GCC1: variants seen among roughly 807,000 people sequenced by gnomAD.
The protein encoded by GCC1 is GRIP and coiled-coil domain containing 1.
A neutral mutation model predicts 62.5 loss-of-function variants in GCC1; 36 were observed. The observed-to-expected ratio is 0.58, with a 90% confidence interval of 0.44 to 0.76. The LOEUF (loss-of-function observed/expected upper bound fraction) is 0.76, where lower values mean the gene tolerates loss of function less well. Ranked by LOEUF, GCC1 falls within the 30% of genes least tolerant of loss-of-function variation. The probability of loss-of-function intolerance (pLI) is 0.00; values close to 1 mark genes in which losing one functional copy is unlikely to be tolerated. For missense variants in GCC1, 885 were observed against 948.3 expected, an observed-to-expected ratio of 0.93 and a Z score of 0.88; for synonymous variants, 391 against 386.8, an observed-to-expected ratio of 1.01 and a Z score of -0.13.
rs943705612 is a variant in GCC1 at position 127,581,916 on chromosome 7, A to C, written c.*98T>G. On this transcript the variant is annotated 3_prime_UTR_variant, in exon 2 of 2. Coordinates refer to ENST00000321407, the MANE Select transcript of GCC1 (RefSeq NM_024523.6). ...TCCTCCCAGCTCAACACAGTGAAGA[A>C]ATAAATGACAATGTAAGAGAAGAGG... is the stretch of plus-strand genomic sequence containing the variant. 61 of 947,588 alleles carry C rather than the reference A, an allele frequency of 6.4e-5. No homozygotes were observed. In the South Asian group the frequency reaches 8.1e-4, roughly 13 times the overall value. The allele number at this position is 947,588 out of a possible 1,614,324, so 58.7% of individuals were successfully genotyped here. A position where few individuals can be genotyped will look rare whatever the true frequency, so the allele number is the denominator to read the frequency against.
chr7:127,583,252 C>T lies in GCC1; in HGVS notation c.1090G>A (p.Ala364Thr), dbSNP rs934844758. The part of the protein sequence containing the change: ...QQSQVEEQRV[A>T]ALENQISEVS... Reference sequence around the variant, plus strand: ...TCGGATATTTGATTCTCCAGGGCTGCCACCCTCTGTTCTTCTACCTGAGAT... The same window carrying T: ...TCGGATATTTGATTCTCCAGGGCTGTCACCCTCTGTTCTTCTACCTGAGAT... The change falls in exon 2 of 2, where the codon GCA (alanine) becomes ACA (threonine). Residue 364 changes from alanine (A) to threonine (T), a missense_variant. Transcript: ENST00000321407. 6.2e-7 allele frequency: 1 copy of T among 1,612,706 alleles called. No individual in the cohort carries two copies. Among genetic ancestry groups the T allele is most frequent in the Non-Finnish European group, 8.5e-7 (1 of 1,179,318 alleles).
intron 1 of GCC1, 94 bp from the exon 2 acceptor site, chr7:127,583,403 TGG>T: frequency 1.1e-6 from 1 of 949,614 alleles, no homozygotes; most frequent in Admixed American, 2.4e-5. Flanking sequence ...GTCACAGGTT[TGG>T]GATGGCCTGG....
rs748907865 is a variant in GCC1, at chr7:127,583,319, A to G, written c.1033-10T>C. On this transcript the variant is annotated splice_polypyrimidine_tract_variant and intron_variant, in intron 1 of 1. Transcript: ENST00000321407. ...CCTCTGCAAGAGCTGTCTGCAAAACAAGGGAACAGACAAAAATGCATCCAC... is the reference window on the plus strand; with the variant it reads ...CCTCTGCAAGAGCTGTCTGCAAAACGAGGGAACAGACAAAAATGCATCCAC... 7 of 1,573,972 alleles carry G rather than the reference A, an allele frequency of 4.4e-6. No individual in the cohort carries two copies. Among genetic ancestry groups the G allele is most frequent in the Admixed American group, 1.8e-5 (1 of 56,520 alleles).
chr7:127,581,790 C>A lies in GCC1; in HGVS notation c.*224G>T. The A allele has an allele frequency of 3.5e-6, 2 of 565,164 alleles. No homozygotes were observed. The highest frequency in any genetic ancestry group is 6.3e-6 in the Non-Finnish European group (2 of 317,644). 35.0% of individuals were successfully genotyped at this position (565,164 alleles called of 1,614,324 possible). A position where few individuals can be genotyped will look rare whatever the true frequency, so the allele number is the denominator to read the frequency against. On this transcript the variant is annotated 3_prime_UTR_variant, in exon 2 of 2. Coordinates refer to ENST00000321407, the MANE Select transcript of GCC1 (RefSeq NM_024523.6). ...ACCTCATCTTCTCCTCACATGCACA[C>A]CATCAGAAGATACTGCCCCAGGACT...
In GCC1 at chr7:127,585,274, CG is replaced by C; in HGVS notation, c.-93del. ...GGCGGGGGCTTAAAGAAACAGCGAGCGGGCTGTCCGGCGGCGGGCCGCACAC... is the reference window on the plus strand; with the variant it reads ...GGCGGGGGCTTAAAGAAACAGCGAGCGGCTGTCCGGCGGCGGGCCGCACAC... On this transcript the variant is annotated 5_prime_UTR_variant, in exon 1 of 2. Coordinates refer to ENST00000321407, the MANE Select transcript of GCC1 (RefSeq NM_024523.6). 2.4e-6 allele frequency: 3 copies of C among 1,245,410 alleles called. No individual in the cohort carries two copies. The highest frequency in any genetic ancestry group is 3.3e-6 in the Non-Finnish European group (3 of 902,940). 77.1% of individuals were successfully genotyped at this position (1,245,410 alleles called of 1,614,324 possible).
chr7:127,582,338 T>A lies in GCC1; in HGVS notation c.2004A>T (p.Thr668=). The A allele has an allele frequency of 6.2e-7, 1 of 1,614,196 alleles. No homozygotes were observed. Among genetic ancestry groups the A allele is most frequent in the Non-Finnish European group, 8.5e-7 (1 of 1,180,040 alleles). ...EQLARKEVEI[T]SLRKQKHRLE... ...GCCTGTGCTTCTGCTTCCTCAGTGA[T>A]GTGATCTCCACCTCCTTGCGGGCCA... The change falls in exon 2 of 2, where the codon ACA becomes ACT. Residue 668 remains threonine, a synonymous_variant. Transcript: ENST00000321407. This position sits in a 1 kb window ranked among gnomAD's most constrained non-coding sequence, Gnocchi z 4.8.
At position 127,582,374 on chromosome 7, in the gene GCC1, G is replaced by A. The variant is rs370298859; in HGVS notation, c.1968C>T (p.Tyr656=). The change falls in exon 2 of 2, where the codon TAC becomes TAT. Residue 656 remains tyrosine, a synonymous_variant. Transcript: ENST00000321407. This position sits in a 1 kb window ranked among gnomAD's most constrained non-coding sequence, Gnocchi z 4.8. ...CCTCCTTGCGGGCCAGTTGCTCAGC[G>A]TACAGAAAGAAAGTGGGCTCATTGG... is the stretch of plus-strand genomic sequence containing the variant. ...AAANEPTFFL[Y]AEQLARKEVE... 486 of 1,614,208 alleles carry A rather than the reference G, an allele frequency of 3.0e-4. 1 individual carries two copies. Among genetic ancestry groups the A allele is most frequent in the Admixed American group, 6.7e-5 (4 of 60,024 alleles).
chr7:127,582,276 A>AGCAGCCGATCCT lies in GCC1; in HGVS notation c.2054_2065dup (p.Gln685_Leu688dup). 6.2e-7 allele frequency: 1 copy of AGCAGCCGATCCT among 1,614,158 alleles called. No homozygotes were observed. On this transcript the variant is annotated inframe_insertion, in exon 2 of 2. Transcript: ENST00000321407. This position sits in a 1 kb window ranked among gnomAD's most constrained non-coding sequence, Gnocchi z 4.8. ...CTCACGATGCCGTTCGCCCTCCTCC[A>AGCAGCCGATCCT]GCAGCCGATCCTGCAGCTGATGCAC...
chr7:127,581,966 T>G lies in GCC1; in HGVS notation c.*48A>C, dbSNP rs1467701924. 6 of 1,430,046 alleles carry G rather than the reference T, an allele frequency of 4.2e-6. No homozygotes were observed. The highest frequency in any genetic ancestry group is 5.8e-6 in the Non-Finnish European group (6 of 1,027,350). The allele number at this position is 1,430,046 out of a possible 1,614,324, so 88.6% of individuals were successfully genotyped here. On this transcript the variant is annotated 3_prime_UTR_variant, in exon 2 of 2. Transcript: ENST00000321407. The stretch of plus-strand genomic sequence containing the variant: ...GCAGCAGAAACCAGAGCCTGCCCTT[T>G]CCCACATAAAAGAGGCACAGAAATT...
Position 127,582,396 on chromosome 7 carries a change from T to C in GCC1, c.1946A>G (p.Asn649Ser), listed in dbSNP as rs141864712. Reference protein sequence around the residue: ...LTQALQLAAANEPTFFLYAEQ... With the variant: ...LTQALQLAAASEPTFFLYAEQ... ...AGCGTACAGAAAGAAAGTGGGCTCA[T>C]TGGCCGCTGCAAGTTGTAATGCTTG... Residue 649 changes from asparagine to serine, a missense_variant, in exon 2 of 2, where the codon AAT becomes AGT. Coordinates refer to ENST00000321407, the MANE Select transcript of GCC1 (RefSeq NM_024523.6). This position sits in a 1 kb window ranked among gnomAD's most constrained non-coding sequence, Gnocchi z 4.8. 75 of 1,614,094 alleles carry C rather than the reference T, an allele frequency of 4.6e-5. No individual in the cohort carries two copies. Among genetic ancestry groups the C allele is most frequent in the African/African-American group, 6.7e-5 (5 of 74,944 alleles).
In GCC1 at chr7:127,582,805, G is replaced by A; in HGVS notation, c.1537C>T (p.Leu513=). 1 of 1,614,164 alleles carries A rather than the reference G, an allele frequency of 6.2e-7. No homozygotes were observed. The highest frequency in any genetic ancestry group is 1.1e-5 in the South Asian group (1 of 91,086). The change falls in exon 2 of 2, where the codon CTG becomes TTG. Residue 513 remains leucine, a synonymous_variant. Transcript: ENST00000321407. This position sits in a 1 kb window ranked among gnomAD's most constrained non-coding sequence, Gnocchi z 4.8. The part of the protein sequence containing the change: ...LKSKNTKDGN[L]GKELEAAQEQ... ...TGGGCTGCCTCCAGCTCCTTTCCCA[G>A]GTTACCATCTTTGGTATTCTTGCTT...
rs759189859 is a variant in GCC1 at position 127,582,020 on chromosome 7, C to G, written c.2322G>C (p.Lys774Asn). Residue 774 changes from lysine to asparagine, a missense_variant, in exon 2 of 2, where the codon AAG becomes AAC. Transcript: ENST00000321407. The surrounding 1 kb of genome is among the most constrained non-coding windows in gnomAD (Gnocchi z 4.8). ...PTSASWWPSG[K>N]R ...GGAATTCATGAAAATGGCATCATCT[C>G]TTGCCAGAAGGCCACCAGCTGGCAC... The G allele has an allele frequency of 6.2e-7, 1 of 1,609,598 alleles. No individual in the cohort carries two copies.
At chr7:127,583,373 C>G in intron 1 of GCC1, 64 bp from the exon 2 acceptor site, 1 of 1,333,564 alleles carries the variant, frequency 7.5e-7, no homozygotes, top group Non-Finnish European at 1.0e-6. Flanking sequence ...TCTGAGAAAG[C>G]AGGAGAGGGG....
chr7:127,582,661 G>A lies in GCC1; in HGVS notation c.1681C>T (p.Gln561Ter), dbSNP rs1794152121. Residue 561 changes from glutamine to a stop codon, truncating the protein, a stop_gained, in exon 2 of 2, where the codon CAG (glutamine) becomes TAG (stop). Coordinates refer to ENST00000321407, the MANE Select transcript of GCC1 (RefSeq NM_024523.6). LOFTEE classifies it high-confidence loss of function. This position sits in a 1 kb window ranked among gnomAD's most constrained non-coding sequence, Gnocchi z 4.8. ...CGCTCCAGCTCCTGCCGGTGGAGCT[G>A]CTGCAGCCGGGCCAGCTCCTGCTTC... ...DWKQELARLQ[Q>*]LHRQELERCQ... is the part of the protein sequence containing the mutation. 1 of 1,613,456 alleles carries A rather than the reference G, an allele frequency of 6.2e-7. No homozygotes were observed. The highest frequency in any genetic ancestry group is 1.1e-5 in the South Asian group (1 of 91,086).
In GCC1 at chr7:127,582,619, T is replaced by C. The variant is rs773293270; in HGVS notation, c.1723A>G (p.Arg575Gly). The change falls in exon 2 of 2, where the codon AGG (arginine) becomes GGG (glycine). Residue 575 changes from arginine to glycine, a missense_variant. By Grantham distance (125) the Arg-to-Gly change is moderately radical. Coordinates refer to ENST00000321407, the MANE Select transcript of GCC1 (RefSeq NM_024523.6). This position sits in a 1 kb window ranked among gnomAD's most constrained non-coding sequence, Gnocchi z 4.8. The part of the protein sequence containing the change: ...QELERCQLDF[R>G]DRTLKLEEEL... ...TCCTCCAGTTTCAGTGTGCGGTCCCTGAAGTCCAGCTGGCACCGCTCCAGC... is the reference window on the plus strand; with the variant it reads ...TCCTCCAGTTTCAGTGTGCGGTCCCCGAAGTCCAGCTGGCACCGCTCCAGC... 3 of 1,612,884 alleles carry C rather than the reference T, an allele frequency of 1.9e-6. No individual in the cohort carries two copies. Among genetic ancestry groups the C allele is most frequent in the Non-Finnish European group, 2.5e-6 (3 of 1,179,930 alleles).
Position 127,585,035 on chromosome 7 carries a change from C to T in GCC1, c.148G>A (p.Glu50Lys), listed in dbSNP as rs1794184780. ...RAYKSLLKEK[E>K]ALEASIKVLS... ...ACCTTGATGCTGGCCTCTAATGCCT[C>T]TTTCTCCTTCAGCAGGCTTTTATAG... Residue 50 changes from glutamate to lysine, a missense_variant, in exon 1 of 2, where the codon GAG becomes AAG. Transcript: ENST00000321407. 1 of 1,614,208 alleles carries T rather than the reference C, an allele frequency of 6.2e-7. No homozygotes were observed. Among genetic ancestry groups the T allele is most frequent in the Non-Finnish European group, 8.5e-7 (1 of 1,180,044 alleles).
In GCC1 at chr7:127,584,848, C is replaced by A; in HGVS notation, c.335G>T (p.Gly112Val). The stretch of plus-strand genomic sequence containing the variant: ...TCTGTCATCTTCTACCCCAAACTCA[C>A]CCTTGGTGCTGGTGAGACTGGCCGC... ...DTAASLTSTK[G>V]EFGVEDDRPA... The change falls in exon 1 of 2, where the codon GGT (glycine) becomes GTT (valine). Residue 112 changes from glycine to valine, a missense_variant. Coordinates refer to ENST00000321407, the MANE Select transcript of GCC1 (RefSeq NM_024523.6). 2 of 1,614,206 alleles carry A rather than the reference C, an allele frequency of 1.2e-6. No individual in the cohort carries two copies. The highest frequency in any genetic ancestry group is 1.7e-6 in the Non-Finnish European group (2 of 1,180,036).
rs1006483473 is a variant in GCC1, at chr7:127,585,383, G to A, written c.-201C>T. On this transcript the variant is annotated 5_prime_UTR_variant, in exon 1 of 2. Transcript: ENST00000321407. ...CGGCCGCCCGGTCCCAGGCCCGGAG[G>A]GCTGGGGCGGATTCTACCCCGGAGG... The A allele has an allele frequency of 8.2e-5, 48 of 583,664 alleles. No individual in the cohort carries two copies. The highest frequency in any genetic ancestry group is 1.3e-4 in the Admixed American group (4 of 29,820). The allele number at this position is 583,664 out of a possible 1,614,324, so 36.2% of individuals were successfully genotyped here.
rs763145562 is a variant in GCC1, at chr7:127,585,107, T to G, written c.76A>C (p.Lys26Gln). The change falls in exon 1 of 2, where the codon AAG becomes CAG. Residue 26 changes from lysine to glutamine, a missense_variant. By Grantham distance (53) the Lys-to-Gln change is moderately conservative. Coordinates refer to ENST00000321407, the MANE Select transcript of GCC1 (RefSeq NM_024523.6). ...DLLETIETQK[K>Q]QLLQYQARLK... ...CGTGCCTGGTACTGGAGAAGCTGCT[T>G]CTTCTGGGTCTCTATAGTCTCCAGC... The G allele has an allele frequency of 3.0e-5, 48 of 1,613,936 alleles. No homozygotes were observed. Among genetic ancestry groups the G allele is most frequent in the South Asian group, 5.5e-5 (5 of 91,090 alleles).
Sources: gnomAD v4.1 joint callset for allele counts on GRCh38, gnomAD v4.1.1 for gene constraint, Gnocchi (gnomAD v3.1) non-coding constraint, MANE v1.5 for transcripts, NCBI Gene and HGNC (gene_info 2026-07-23, HGNC 2026-07-21) for gene names.